Variants in CD274 observed in about 807,000 individuals in gnomAD.
CD274 encodes the protein CD274 molecule.
CD274 carries 8 observed loss-of-function variants against 30.1 expected under a neutral mutation model. That is an observed-to-expected ratio of 0.27 (90% confidence interval 0.16 to 0.48). The LOEUF is 0.48. Ranked by LOEUF, CD274 falls within the 20% of genes least tolerant of loss-of-function variation. The pLI, the probability that CD274 is intolerant of heterozygous loss-of-function variation, is 0.99. For synonymous variants in CD274, 152 were observed against 124.6 expected (o/e 1.22, Z -1.46); for missense variants, 353 against 346.6 (o/e 1.02, Z -0.15).
chr9:5,465,369 A>C (rs1478902069), intron 4 of CD274, 130 bp from the exon 5 acceptor site: 1 of 598,814 alleles, frequency 1.7e-6, no homozygotes, highest in Non-Finnish European at 3.0e-6. Flanking sequence ...CATTCCAGCC[A>C]CTCAAACTTT....
At chr9:5,464,355 T>C (rs2063548358) in intron 4 of CD274, among the ~76,000 whole-genome samples, 1 of 152,094 alleles carries the variant, frequency 6.6e-6, no homozygotes, top group South Asian at 2.1e-4. Context: ...ACTCATAAAG[T>C]TGTTCTGAAA....
rs1322293911 is a variant in CD274 at position 5,469,027 on chromosome 9, A to G, written c.*1165A>G. On this transcript the variant is annotated 3_prime_UTR_variant, in exon 7 of 7. Transcript: ENST00000381577. Reference sequence around the variant, plus strand: ...TTTAGTCCAGTGTCATAGCATAAGGATGATGCGAGGGGAAAACCCGAGCAG... The same window carrying G: ...TTTAGTCCAGTGTCATAGCATAAGGGTGATGCGAGGGGAAAACCCGAGCAG... 8.6e-6 allele frequency: 2 copies of G among 233,046 alleles called. No homozygotes were observed. The highest frequency in any genetic ancestry group is 2.2e-5 in the African/African-American group (1 of 45,338). 14.4% of individuals were successfully genotyped at this position (233,046 alleles called of 1,614,324 possible).
chr9:5,459,080 T>C (rs992594932), intron 3 of CD274, among the ~76,000 whole-genome samples: 1 of 151,972 alleles, frequency 6.6e-6, no homozygotes, highest in Non-Finnish European at 1.5e-5. Context: ...TTTATTCAGG[T>C]CGTCTGGGCT....
At chr9:5,459,741 T>C (rs989414626) in intron 3 of CD274, among the ~76,000 whole-genome samples, 4 of 152,218 alleles carry the variant, frequency 2.6e-5, no homozygotes, top group African/African-American at 9.6e-5. Context: ...CTTTAATCGC[T>C]GAACCTAACA....
Position 5,462,882 on chromosome 9 carries a change from C to A in CD274, c.443C>A (p.Thr148Asn), listed in dbSNP as rs2131223122. The change falls in exon 4 of 7, where the codon ACC (threonine) becomes AAC (asparagine). Residue 148 changes from threonine to asparagine, a missense_variant. Coordinates refer to ENST00000381577, the MANE Select transcript of CD274 (RefSeq NM_014143.4). Reference sequence around the variant, plus strand: ...AGAATTTTGGTTGTGGATCCAGTCACCTCTGAACATGAACTGACATGTCAG... The same window carrying A: ...AGAATTTTGGTTGTGGATCCAGTCAACTCTGAACATGAACTGACATGTCAG... ...NQRILVVDPV[T>N]SEHELTCQAE... 6.2e-7 allele frequency: 1 copy of A among 1,614,036 alleles called. No homozygotes were observed. The highest frequency in any genetic ancestry group is 8.5e-7 in the Non-Finnish European group (1 of 1,179,922).
chr9:5,458,379 T>C (rs1819344689), intron 3 of CD274, among the ~76,000 whole-genome samples: 1 of 152,238 alleles, frequency 6.6e-6, no homozygotes. Flanking sequence ...GCCATTTGGA[T>C]ATCCCTTCCA....
At chr9:5,467,338 T>C (rs1819514117) in intron 6 of CD274, among the ~76,000 whole-genome samples, 1 of 152,144 alleles carries the variant, frequency 6.6e-6, no homozygotes, top group Admixed American at 6.6e-5. Flanking sequence ...TGGGGGCCAT[T>C]AGCCTAACCA....
intron 3 of CD274, among the ~76,000 whole-genome samples, chr9:5,457,669 G>C (rs1445473959): frequency 2.6e-5 from 4 of 152,152 alleles, no homozygotes; most frequent in Non-Finnish European, 5.9e-5. Flanking sequence ...TTTCCAAAAA[G>C]AATTTCTAGT....
intron 4 of CD274, 142 bp from the exon 5 acceptor site, chr9:5,465,357 G>T: frequency 1.7e-6 from 1 of 580,526 alleles, no homozygotes. Flanking sequence ...CAGGTATCTC[G>T]CCATTCCAGC....
intron 5 of CD274, 93 bp from the exon 6 acceptor site, chr9:5,466,677 A>G (rs910251520): frequency 5.4e-6 from 5 of 918,112 alleles, no homozygotes; most frequent in Non-Finnish European, 5.1e-6. Flanking sequence ...AGGGATTACA[A>G]ATGTTTCACA....
intron 6 of CD274, among the ~76,000 whole-genome samples, chr9:5,467,617 G>A (rs1819518846): frequency 6.6e-6 from 1 of 152,108 alleles, no homozygotes; most frequent in African/African-American, 2.4e-5. Flanking sequence ...ATGTTGTTTG[G>A]GTCATGCTGG....
intron 1 of CD274, among the ~76,000 whole-genome samples, chr9:5,454,543 T>C (rs917708747): frequency 6.6e-6 from 1 of 152,168 alleles, no homozygotes; most frequent in African/African-American, 2.4e-5. Flanking sequence ...TTTGTGAATA[T>C]ACCAAAATTT....
intron 1 of CD274, among the ~76,000 whole-genome samples, chr9:5,450,800 G>A (rs867347252): frequency 6.6e-6 from 1 of 152,228 alleles, no homozygotes; most frequent in African/African-American, 2.4e-5. Context: ...CCTTCCTCCA[G>A]GCGCGATTCA....
chr9:5,452,663 C>G (rs1171597236), intron 1 of CD274, among the ~76,000 whole-genome samples: 1 of 152,130 alleles, frequency 6.6e-6, no homozygotes, highest in African/African-American at 2.4e-5. Context: ...AGCTGCACCC[C>G]AAGGAAATGG....
chr9:5,465,650 A>G (rs757488543), intron 5 of CD274, 44 bp downstream of exon 5: 15 of 1,187,844 alleles, frequency 1.3e-5, no homozygotes, highest in Middle Eastern at 3.8e-4. Context: ...GGGGTGAGGA[A>G]GGGGTGAGAA....
At chr9:5,466,861 A>G (rs2131233215) in intron 6 of CD274, 32 bp downstream of exon 6, 1 of 1,521,038 alleles carries the variant, frequency 6.6e-7, no homozygotes, top group Non-Finnish European at 9.1e-7. Flanking sequence ...GGGAAGTAAA[A>G]GTCAAAGGAA....
chr9:5,465,782 G>A (rs1035666931), intron 5 of CD274, 176 bp downstream of exon 5: 2 of 511,892 alleles, frequency 3.9e-6, no homozygotes, highest in Non-Finnish European at 7.0e-6. Flanking sequence ...GAAGCGTAAG[G>A]GGTGAGGGGC....
Position 5,468,048 on chromosome 9 carries a change from G to A in CD274, c.*186G>A, listed in dbSNP as rs1054499837. The A allele has an allele frequency of 1.6e-6, 1 of 616,640 alleles. No individual in the cohort carries two copies. Among genetic ancestry groups the A allele is most frequent in the Non-Finnish European group, 2.9e-6 (1 of 342,088 alleles). The allele number at this position is 616,640 out of a possible 1,614,324, so 38.2% of individuals were successfully genotyped here. A position where few individuals can be genotyped will look rare whatever the true frequency, so the allele number is the denominator to read the frequency against. On this transcript the variant is annotated 3_prime_UTR_variant, in exon 7 of 7. Coordinates refer to ENST00000381577, the MANE Select transcript of CD274 (RefSeq NM_014143.4). ...GAGGAGGAGAATGAAGAAAGATGGA[G>A]TCAAACAGGGAGCCTGGAGGGAGAC...
intron 1 of CD274, among the ~76,000 whole-genome samples, chr9:5,451,595 G>A (rs528245882): frequency 6.6e-6 from 1 of 152,312 alleles, no homozygotes; most frequent in East Asian, 1.9e-4. Context: ...ATGATACTCT[G>A]AAGAAAAACT....
Sources: allele counts gnomAD v4.1 joint callset (sites outside exome capture counted in the v4.1 genomes callset), GRCh38; gene constraint gnomAD v4.1.1; transcripts MANE v1.5; gene names NCBI Gene and HGNC (gene_info 2026-07-23, HGNC 2026-07-21).